Variants in CACNA1E observed in about 807,000 individuals in gnomAD.
CACNA1E encodes the protein calcium voltage-gated channel subunit alpha1 E, also known as voltage-dependent R-type calcium channel subunit alpha-1E.
CACNA1E carries 40 observed loss-of-function variants against 259.2 expected under a neutral mutation model. The observed-to-expected ratio is 0.15, with a 90% confidence interval of 0.12 to 0.20. The LOEUF is 0.20. Ranked by LOEUF, CACNA1E falls within the 10% of genes least tolerant of loss-of-function variation. The pLI, the probability that CACNA1E is intolerant of heterozygous loss-of-function variation, is 1.00. For missense variants in CACNA1E, 1,874 were observed against 3,040.1 expected, an observed-to-expected ratio of 0.62 and a Z score of 9.02; for synonymous variants, 1,104 against 1,138.5, an observed-to-expected ratio of 0.97 and a Z score of 0.61.
rs112623500 is a variant in CACNA1E at position 181,409,166 on chromosome 1, T to C, written c.-14-3967T>C. Among the ~76,000 whole-genome samples the C allele has an allele frequency of 7.1e-3, 1,075 of 152,356 alleles. 11 individuals are homozygous for C. Among genetic ancestry groups the C allele is most frequent in the African/African-American group, 0.024 (1,014 of 41,570 alleles). ...GCTTTCATGCTACAACAGCAGCGTT[T>C]AAATAGTTGCAACAGAGATTGTGTG... On this transcript the variant is annotated intron_variant, in intron 1 of 11. Coordinates refer to the CACNA1E transcript ENST00000524607.
At chr1:181,371,651 A>G (rs1050310257) in intron 1 of CACNA1E, among the ~76,000 whole-genome samples, 6 of 152,130 alleles carry the variant, frequency 3.9e-5, no homozygotes, top group African/African-American at 1.4e-4. Context: ...TCATTATGAA[A>G]TCTTTGCCAA....
At chr1:181,699,639 G>A (rs1652039572) in intron 7 of CACNA1E, among the ~76,000 whole-genome samples, 1 of 152,192 alleles carries the variant, frequency 6.6e-6, no homozygotes, top group African/African-American at 2.4e-5. Flanking sequence ...AGATGGAAAT[G>A]TGAAGTCAGT....
chr1:181,443,196 A>T (rs1216316908), intron 2 of CACNA1E, among the ~76,000 whole-genome samples: 3 of 152,252 alleles, frequency 2.0e-5, no homozygotes, highest in African/African-American at 7.2e-5. Flanking sequence ...ACTTTACAGA[A>T]CTAATATAAA....
chr1:181,646,772 G>T (rs966903557), intron 6 of CACNA1E, among the ~76,000 whole-genome samples: 2 of 152,090 alleles, frequency 1.3e-5, no homozygotes, highest in Non-Finnish European at 2.9e-5. Flanking sequence ...CCACCTTGCA[G>T]CATCTCCCCC....
chr1:181,474,085 A>G (rs1481415057), intron 2 of CACNA1E, among the ~76,000 whole-genome samples: 1 of 152,112 alleles, frequency 6.6e-6, no homozygotes, highest in African/African-American at 2.4e-5. Context: ...ATCCATGTCC[A>G]TTTTTCTTTT....
At chr1:181,693,128 C>CAAAAAA (rs61662957) in intron 7 of CACNA1E, among the ~76,000 whole-genome samples, 334 of 97,724 alleles carry the variant, frequency 3.4e-3, no homozygotes, top group African/African-American at 5.3e-3. Context: ...CTATCTAAAG[C>CAAAAAA]AAAAAAAAAA....
At chr1:181,787,872 A>T (rs1660979578) in intron 43 of CACNA1E, among the ~76,000 whole-genome samples, 1 of 152,166 alleles carries the variant, frequency 6.6e-6, no homozygotes, top group Non-Finnish European at 1.5e-5. Context: ...AGCTCAGGGG[A>T]TGTGTTAAGT....
intron 7 of CACNA1E, among the ~76,000 whole-genome samples, chr1:181,700,871 G>T (rs551532986): frequency 6.6e-6 from 1 of 152,110 alleles, no homozygotes; most frequent in Non-Finnish European, 1.5e-5. Context: ...ACTTCCTTCC[G>T]CTCACTTCGA....
intron 2 of CACNA1E, among the ~76,000 whole-genome samples, chr1:181,417,928 T>G (rs1037745691): frequency 2.0e-5 from 3 of 152,206 alleles, no homozygotes; most frequent in Non-Finnish European, 4.4e-5. Context: ...CTGTTGCCCA[T>G]GTAGAGAAAA....
chr1:181,670,523 G>A (rs1464141921), intron 7 of CACNA1E, among the ~76,000 whole-genome samples: 1 of 152,130 alleles, frequency 6.6e-6, no homozygotes, highest in Admixed American at 6.5e-5. Flanking sequence ...GTGTTCCACA[G>A]AGAACCCAGG....
At chr1:181,662,302 T>C (rs1438050371) in intron 7 of CACNA1E, among the ~76,000 whole-genome samples, 1 of 152,196 alleles carries the variant, frequency 6.6e-6, no homozygotes, top group Non-Finnish European at 1.5e-5. Context: ...TGGAGGAAAC[T>C]CGGCTGGAGA....
intron 1 of CACNA1E, among the ~76,000 whole-genome samples, chr1:181,388,661 G>A (rs1656032133): frequency 1.3e-5 from 2 of 152,180 alleles, no homozygotes; most frequent in African/African-American, 2.4e-5. Context: ...GGTTGAGGCG[G>A]GTGGATCACC....
chr1:181,583,491 AG>A (rs1223388672), intron 6 of CACNA1E, among the ~76,000 whole-genome samples: 1 of 152,196 alleles, frequency 6.6e-6, no homozygotes, highest in African/African-American at 2.4e-5. Flanking sequence ...CCAAACCAGT[AG>A]GAGAATCTTC....
intron 1 of CACNA1E, among the ~76,000 whole-genome samples, chr1:181,358,096 C>T (rs1421060141): frequency 1.3e-5 from 2 of 152,030 alleles, no homozygotes; most frequent in African/African-American, 4.8e-5. Context: ...TTTGACAACT[C>T]CTGCAGGAGA....
rs558047592 is a variant in CACNA1E at position 181,743,994 on chromosome 1, C to A, written c.3719+4741C>A. On this transcript the variant is annotated intron_variant, in intron 25 of 47. Coordinates refer to ENST00000367573, the MANE Select transcript of CACNA1E (RefSeq NM_001205293.3). The stretch of plus-strand genomic sequence containing the variant: ...TTCCCATTGCCATTTGCTGTTGTAG[C>A]AGGGCATGGGGTGAGGTCAGGACTC... 2.0e-5 allele frequency among the ~76,000 whole-genome samples: 3 copies of A among 152,374 alleles called. No homozygotes were observed. In the South Asian group the frequency reaches 6.2e-4, roughly 32 times the overall value.
chr1:181,769,004 CG>C (rs1207297817), intron 35 of CACNA1E, among the ~76,000 whole-genome samples: 1 of 152,186 alleles, frequency 6.6e-6, no homozygotes, highest in African/African-American at 2.4e-5. Context: ...GCAGAAGAAT[CG>C]GAAGTTCGAA....
chr1:181,458,736 A>G (rs1258329445), intron 2 of CACNA1E, among the ~76,000 whole-genome samples: 2 of 152,132 alleles, frequency 1.3e-5, no homozygotes, highest in East Asian at 1.9e-4. Context: ...GGCACACTGC[A>G]TTATTGTTTG....
rs1665944893 is a variant in CACNA1E at position 181,508,962 on chromosome 1, G to A, written c.267-1515G>A. On this transcript the variant is annotated intron_variant, in intron 1 of 47. Coordinates refer to ENST00000367573, the MANE Select transcript of CACNA1E (RefSeq NM_001205293.3). Reference sequence around the variant, plus strand: ...GGTGGCTGAACCTCAGGGCAGCAGAGGCCCGTGGAATGGTCTCTGGGGTCT... The same window carrying A: ...GGTGGCTGAACCTCAGGGCAGCAGAAGCCCGTGGAATGGTCTCTGGGGTCT... Among the ~76,000 whole-genome samples the A allele has an allele frequency of 2.0e-5, 3 of 152,114 alleles. No homozygotes were observed. The South Asian group carries it at 6.2e-4, about 32-fold the overall frequency.
intron 1 of CACNA1E, among the ~76,000 whole-genome samples, chr1:181,398,282 A>C (rs1557970997): frequency 6.6e-6 from 1 of 152,196 alleles, no homozygotes; most frequent in Non-Finnish European, 1.5e-5. Flanking sequence ...GAAAAACACA[A>C]ACAAGGCAAA....
Sources: allele counts gnomAD v4.1 joint callset (sites outside exome capture counted in the v4.1 genomes callset), GRCh38; gene constraint gnomAD v4.1.1; transcripts MANE v1.5; gene names NCBI Gene and HGNC (gene_info 2026-07-23, HGNC 2026-07-21).